Variants in UNC5C observed in about 807,000 individuals in gnomAD.
The protein encoded by UNC5C is unc-5 netrin receptor C, also known as netrin receptor UNC5C.
In UNC5C, 47 loss-of-function variants were observed where a neutral mutation model predicts 99.8. The observed-to-expected ratio is 0.47, with a 90% confidence interval of 0.37 to 0.60. The LOEUF (loss-of-function observed/expected upper bound fraction) is 0.60, where lower values mean the gene tolerates loss of function less well. Ranked by LOEUF, UNC5C falls within the 20% of genes least tolerant of loss-of-function variation. The probability of loss-of-function intolerance (pLI) is 0.00; values close to 1 mark genes in which losing one functional copy is unlikely to be tolerated. For missense variants in UNC5C, 1,062 were observed against 1,165.9 expected, an observed-to-expected ratio of 0.91 and a Z score of 1.30; for synonymous variants, 487 against 452.2, an observed-to-expected ratio of 1.08 and a Z score of -0.98.
At chr4:95,453,257 C>G (rs1747326234) in intron 1 of UNC5C, among the ~76,000 whole-genome samples, 1 of 151,988 alleles carries the variant, frequency 6.6e-6, no homozygotes, top group Non-Finnish European at 1.5e-5. Context: ...ACAGACAGAT[C>G]AAAATCAGAT....
In UNC5C at chr4:95,530,757, A is replaced by T. The variant is rs765487190; in HGVS notation, c.124+17977T>A. On this transcript the variant is annotated intron_variant, in intron 1 of 15. Transcript: ENST00000453304. ...ATCATATGGCTTATTATTCTTCATA[A>T]GTTGTATTTAGAAAGGACTTTTCAG... is the stretch of plus-strand genomic sequence containing the variant. Among the ~76,000 whole-genome samples, 8 of 152,296 alleles carry T rather than the reference A, an allele frequency of 5.3e-5. No individual in the cohort carries two copies. In the South Asian group the frequency reaches 6.2e-4, roughly 12 times the overall value.
At chr4:95,337,716 T>C (rs1040476664) in intron 1 of UNC5C, among the ~76,000 whole-genome samples, 11 of 152,024 alleles carry the variant, frequency 7.2e-5, no homozygotes, top group African/African-American at 2.4e-4. Context: ...TATATCTTGG[T>C]TTGAGGTTTC....
At chr4:95,386,873 C>T (rs564691274) in intron 1 of UNC5C, among the ~76,000 whole-genome samples, 2 of 152,074 alleles carry the variant, frequency 1.3e-5, no homozygotes, top group African/African-American at 4.8e-5. Flanking sequence ...TTTTGTGGTC[C>T]TCAGTGGACA....
In UNC5C at chr4:95,421,832, T is replaced by C. The variant is rs547591532; in HGVS notation, c.125-86201A>G. ...AAAGTCCCCATCATATCTCCTATTA[T>C]GGATTTTATGGTTCATTTTACTGAC... On this transcript the variant is annotated intron_variant, in intron 1 of 15. Transcript: ENST00000453304. 9.2e-5 allele frequency among the ~76,000 whole-genome samples: 14 copies of C among 152,340 alleles called. No homozygotes were observed. The South Asian group carries it at 2.3e-3, about 25-fold the overall frequency.
At chr4:95,344,459 T>C (rs1017639211) in intron 1 of UNC5C, among the ~76,000 whole-genome samples, 2 of 152,008 alleles carry the variant, frequency 1.3e-5, no homozygotes, top group Non-Finnish European at 2.9e-5. Flanking sequence ...AGTTCTTCAA[T>C]TGGAAAGAAA....
intron 1 of UNC5C, among the ~76,000 whole-genome samples, chr4:95,520,203 A>C (rs1319544996): frequency 6.6e-6 from 1 of 152,218 alleles, no homozygotes; most frequent in Non-Finnish European, 1.5e-5. Flanking sequence ...ACCTCTAAAA[A>C]TAGAATATAA....
At chr4:95,292,776 C>T (rs914243001) in intron 3 of UNC5C, among the ~76,000 whole-genome samples, 1 of 152,128 alleles carries the variant, frequency 6.6e-6, no homozygotes, top group East Asian at 1.9e-4. Flanking sequence ...ATAGTATCTT[C>T]ACTTTTCCCC....
At chr4:95,346,693 C>A (rs1293789260) in intron 1 of UNC5C, among the ~76,000 whole-genome samples, 2 of 151,692 alleles carry the variant, frequency 1.3e-5, no homozygotes, top group Non-Finnish European at 3.0e-5. Context: ...ACGATGAAAA[C>A]CCATTTGATA....
chr4:95,500,116 G>A (rs1721741323), intron 1 of UNC5C, among the ~76,000 whole-genome samples: 1 of 151,986 alleles, frequency 6.6e-6, no homozygotes, highest in Non-Finnish European at 1.5e-5. Flanking sequence ...TTTTGTTTTG[G>A]GATCAGCCAG....
intron 1 of UNC5C, among the ~76,000 whole-genome samples, chr4:95,404,381 CT>C (rs1311954256): frequency 6.6e-6 from 1 of 152,170 alleles, no homozygotes; most frequent in East Asian, 1.9e-4. Flanking sequence ...ATCGCTCTCC[CT>C]TTTTAAAAGC....
At chr4:95,395,771 G>C (rs573695993) in intron 1 of UNC5C, among the ~76,000 whole-genome samples, 36 of 152,266 alleles carry the variant, frequency 2.4e-4, no homozygotes, top group African/African-American at 7.9e-4. Context: ...GTAGGGCAGA[G>C]AGAAACATGA....
At chr4:95,193,295 C>T (rs903694677) in intron 12 of UNC5C, among the ~76,000 whole-genome samples, 35 of 152,298 alleles carry the variant, frequency 2.3e-4, no homozygotes, top group African/African-American at 7.7e-4. Flanking sequence ...AGGCAGGAAG[C>T]GAAGCAGTGG....
chr4:95,262,875 C>T (rs1008156428), intron 4 of UNC5C, among the ~76,000 whole-genome samples: 2 of 151,492 alleles, frequency 1.3e-5, no homozygotes, highest in African/African-American at 2.4e-5. Context: ...AGTGCAATGG[C>T]GTGATCTTGG....
intron 4 of UNC5C, among the ~76,000 whole-genome samples, chr4:95,274,524 T>A (rs944474101): frequency 3.3e-5 from 5 of 152,130 alleles, no homozygotes; most frequent in African/African-American, 1.2e-4. Context: ...CCTGTTTTCT[T>A]ATTGGAAAGG....
At chr4:95,292,019 C>T (rs1461990652) in intron 3 of UNC5C, among the ~76,000 whole-genome samples, 2 of 151,844 alleles carry the variant, frequency 1.3e-5, no homozygotes, top group Admixed American at 6.6e-5. Context: ...TGACCTTCAT[C>T]TTTCAGGATG....
intron 1 of UNC5C, among the ~76,000 whole-genome samples, chr4:95,529,402 A>G (rs1722582151): frequency 6.7e-6 from 1 of 149,788 alleles, no homozygotes; most frequent in Non-Finnish European, 1.5e-5. Context: ...TTCCACATCT[A>G]TACTTCTAGT....
intron 1 of UNC5C, among the ~76,000 whole-genome samples, chr4:95,385,588 C>T (rs1020883811): frequency 6.6e-5 from 10 of 152,140 alleles, no homozygotes; most frequent in South Asian, 4.1e-4. Flanking sequence ...TGCTTATACA[C>T]GGCCATGAGA....
chr4:95,251,600 C>G (rs1011050273), intron 4 of UNC5C, among the ~76,000 whole-genome samples: 9 of 152,152 alleles, frequency 5.9e-5, no homozygotes, highest in African/African-American at 2.4e-5. Context: ...ACAGTTTTTT[C>G]CATAAAGCAA....
intron 7 of UNC5C, among the ~76,000 whole-genome samples, chr4:95,226,023 CAG>C (rs1553955296): frequency 2.2e-4 from 34 of 152,324 alleles, no homozygotes; most frequent in Admixed American, 7.2e-4. Context: ...CACGGAACAA[CAG>C]GGAACATTTT....
Sources: allele counts gnomAD v4.1 joint callset (sites outside exome capture counted in the v4.1 genomes callset), GRCh38; gene constraint gnomAD v4.1.1; transcripts MANE v1.5; gene names NCBI Gene and HGNC (gene_info 2026-07-23, HGNC 2026-07-21).